RBFOX1: variants seen among roughly 807,000 people sequenced by gnomAD.
RBFOX1 encodes RNA binding fox-1 homolog 1, also known as RNA binding protein fox-1 homolog 1.
RBFOX1 carries 8 observed loss-of-function variants against 57.7 expected under a neutral mutation model. The ratio of observed to expected loss-of-function variants is 0.14; its 90% CI spans 0.08 to 0.25. The LOEUF (loss-of-function observed/expected upper bound fraction) is 0.25, where lower values mean the gene tolerates loss of function less well. Among genes scored for constraint, RBFOX1 ranks in the 10% least tolerant of loss-of-function variants. RBFOX1 has a pLI of 1.00. For synonymous variants in RBFOX1, 326 were observed against 222.4 expected (o/e 1.47, Z -4.15); for missense variants, 611 against 548.5 (o/e 1.11, Z -1.14).
intron 1 of RBFOX1, among the ~76,000 whole-genome samples, chr16:6,071,464 C>G (rs1350062269): frequency 6.6e-6 from 1 of 152,124 alleles, no homozygotes; most frequent in Non-Finnish European, 1.5e-5. Flanking sequence ...ATCTGTACAA[C>G]AAACCCCAAT....
intron 3 of RBFOX1, among the ~76,000 whole-genome samples, chr16:5,698,376 A>C (rs1191936055): frequency 6.6e-6 from 1 of 152,162 alleles, no homozygotes; most frequent in Admixed American, 6.5e-5. Flanking sequence ...TTAGATAGAC[A>C]AGGCAACTTT....
At chr16:5,276,594 CTAACA>C (rs1406708501) in intron 1 of RBFOX1, among the ~76,000 whole-genome samples, 5 of 152,126 alleles carry the variant, frequency 3.3e-5, no homozygotes, top group African/African-American at 1.2e-4. Context: ...ACCAGCCTGA[CTAACA>C]TGGTGAAACC....
At position 5,403,385 on chromosome 16, in the gene RBFOX1, A is replaced by G. The variant is rs147446858; in HGVS notation, c.220-63831A>G. On this transcript the variant is annotated intron_variant, in intron 1 of 2. Transcript: ENST00000585867. ...AAAAAAAACAAAAAACAAACAAACA[A>G]AAAAACCCAAAACCCTTGCTATATG... Among the ~76,000 whole-genome samples, 646 of 151,636 alleles carry G rather than the reference A, an allele frequency of 4.3e-3. 7 individuals carry two copies. Among genetic ancestry groups the G allele is most frequent in the African/African-American group, 0.015 (624 of 41,080 alleles).
At position 7,421,507 on chromosome 16, in the gene RBFOX1, C is replaced by T. The variant is rs530174044; in HGVS notation, c.28-96640C>T. ...TGGCAATAGTGACATTTCCCAGGCA[C>T]AGCCAGGTTTTCTAAGGCAGGAATC... On this transcript the variant is annotated intron_variant, in intron 4 of 15. Coordinates refer to ENST00000550418, the MANE Select transcript of RBFOX1 (RefSeq NM_018723.4). Among the ~76,000 whole-genome samples the T allele has an allele frequency of 1.9e-4, 29 of 152,302 alleles. 1 individual carries two copies. In the South Asian group the frequency reaches 5.6e-3, roughly 29 times the overall value.
chr16:6,253,255 A>AAATGCC (rs2097635615), intron 1 of RBFOX1, among the ~76,000 whole-genome samples: 1 of 152,160 alleles, frequency 6.6e-6, no homozygotes, highest in Admixed American at 6.6e-5. Flanking sequence ...AGTCTGATTG[A>AAATGCC]CTTTCACCTA....
intron 3 of RBFOX1, among the ~76,000 whole-genome samples, chr16:7,011,489 GT>G (rs1302934762): frequency 6.6e-6 from 1 of 151,956 alleles, no homozygotes; most frequent in African/African-American, 2.4e-5. Flanking sequence ...GTGTTTGTTT[GT>G]TTTTGTTGTG....
chr16:6,531,984 G>T (rs1376395828), intron 2 of RBFOX1, among the ~76,000 whole-genome samples: 1 of 152,152 alleles, frequency 6.6e-6, no homozygotes, highest in Admixed American at 6.5e-5. Flanking sequence ...AGCAGTGTTG[G>T]TAGCATGACA....
rs180992197 is a variant in RBFOX1, at chr16:6,924,063, G to A, written c.-15-127994G>A. Among the ~76,000 whole-genome samples, 17 of 151,930 alleles carry A rather than the reference G, an allele frequency of 1.1e-4. 1 individual carries two copies. Among genetic ancestry groups the A allele is most frequent in the Middle Eastern group, 6.8e-3 (2 of 294 alleles). On this transcript the variant is annotated intron_variant, in intron 3 of 15. Coordinates refer to ENST00000550418, the MANE Select transcript of RBFOX1 (RefSeq NM_018723.4). ...TACGTACCTGTAGTCCCAGCTTCTCGGGAGACTGAGGCATGAGAGTCGCTT... is the reference window on the plus strand; with the variant it reads ...TACGTACCTGTAGTCCCAGCTTCTCAGGAGACTGAGGCATGAGAGTCGCTT...
chr16:6,565,484 C>T (rs990506765), intron 2 of RBFOX1, among the ~76,000 whole-genome samples: 3 of 150,978 alleles, frequency 2.0e-5, no homozygotes, highest in Admixed American at 2.0e-4. Flanking sequence ...GTCTCGATCT[C>T]CTGACCTCGT....
At chr16:5,297,381 C>G (rs2063695232) in intron 1 of RBFOX1, among the ~76,000 whole-genome samples, 2 of 152,186 alleles carry the variant, frequency 1.3e-5, no homozygotes, top group Non-Finnish European at 1.5e-5. Flanking sequence ...TGCAAGCATT[C>G]TCTTGCATCC....
chr16:6,702,249 ATG>A (rs1380644721), intron 3 of RBFOX1, among the ~76,000 whole-genome samples: 18 of 152,288 alleles, frequency 1.2e-4, no homozygotes, highest in Admixed American at 2.0e-4. Flanking sequence ...TGAGATATGG[ATG>A]GGACAAATAT....
intron 4 of RBFOX1, among the ~76,000 whole-genome samples, chr16:7,217,195 T>C (rs73541938): frequency 0.38 from 54,039 of 143,612 alleles, 11,238 homozygotes; most frequent in East Asian, 0.66. Context: ...ACCTCCGCCT[T>C]CCGGATTGAA....
At chr16:7,517,102 G>T (rs536781523) in intron 4 of RBFOX1, among the ~76,000 whole-genome samples, 2 of 150,670 alleles carry the variant, frequency 1.3e-5, no homozygotes, top group Non-Finnish European at 2.9e-5. Flanking sequence ...CTGAGACCAT[G>T]GAAAGTTTAG....
At chr16:6,673,408 C>A (rs1005439897) in intron 3 of RBFOX1, among the ~76,000 whole-genome samples, 35 of 151,956 alleles carry the variant, frequency 2.3e-4, no homozygotes, top group African/African-American at 7.5e-4. Flanking sequence ...GTCAACATGG[C>A]AAAACCGCAT....
intron 3 of RBFOX1, among the ~76,000 whole-genome samples, chr16:6,783,461 A>G (rs1051874586): frequency 6.7e-6 from 1 of 148,638 alleles, no homozygotes; most frequent in Non-Finnish European, 1.5e-5. Context: ...AAAAAATCTT[A>G]TAACCAATTA....
intron 1 of RBFOX1, among the ~76,000 whole-genome samples, chr16:6,266,796 A>G (rs2074561710): frequency 6.6e-6 from 1 of 151,968 alleles, no homozygotes; most frequent in African/African-American, 2.4e-5. Context: ...GAATCCTTAA[A>G]GTCTGTTGCT....
At chr16:5,598,411 A>T (rs1160365531) in intron 2 of RBFOX1, among the ~76,000 whole-genome samples, 1 of 152,108 alleles carries the variant, frequency 6.6e-6, no homozygotes, top group Non-Finnish European at 1.5e-5. Context: ...CAAAGATGCA[A>T]TTTAGCATTT....
At chr16:5,500,685 A>G (rs7188121) in intron 2 of RBFOX1, among the ~76,000 whole-genome samples, 1 of 152,002 alleles carries the variant, frequency 6.6e-6, no homozygotes, top group Admixed American at 6.6e-5. Flanking sequence ...GGGTCCCAAC[A>G]TTGAATGCTT....
At chr16:6,208,953 C>A (rs1346959235) in intron 1 of RBFOX1, among the ~76,000 whole-genome samples, 1 of 152,136 alleles carries the variant, frequency 6.6e-6, no homozygotes, top group African/African-American at 2.4e-5. Flanking sequence ...GCTCACTTCC[C>A]CCATTTTTTT....
Sources: allele counts gnomAD v4.1 joint callset (sites outside exome capture counted in the v4.1 genomes callset), GRCh38; gene constraint gnomAD v4.1.1; transcripts MANE v1.5; gene names NCBI Gene and HGNC (gene_info 2026-07-23, HGNC 2026-07-21).